Variants in PDE1C observed in about 807,000 individuals in gnomAD.
PDE1C encodes the protein phosphodiesterase 1C, also known as dual specificity calcium/calmodulin-dependent 3',5'-cyclic nucleotide phosphodiesterase 1C.
Under a neutral mutation model 93.1 loss-of-function variants are expected in PDE1C, and 62 were observed. The observed-to-expected ratio is 0.67, with a 90% CI of 0.54 to 0.82. The LOEUF (loss-of-function observed/expected upper bound fraction) is 0.82, where lower values mean the gene tolerates loss of function less well. Ranked by LOEUF, PDE1C falls within the 40% of genes least tolerant of loss-of-function variation. PDE1C has a pLI of 0.00. For synonymous variants in PDE1C, 325 were observed against 310.1 expected (o/e 1.05, Z -0.50); for missense variants, 742 against 884.6 (o/e 0.84, Z 2.04).
chr7:31,987,315 C>A (rs140383101), intron 2 of PDE1C, among the ~76,000 whole-genome samples: 1 of 152,226 alleles, frequency 6.6e-6, no homozygotes, highest in Non-Finnish European at 1.5e-5. Flanking sequence ...ATGTGATGTG[C>A]AATTTAAAGG....
intron 16 of PDE1C, among the ~76,000 whole-genome samples, chr7:31,803,751 T>C (rs1786405257): frequency 6.6e-6 from 1 of 152,056 alleles, no homozygotes; most frequent in Admixed American, 6.6e-5. Context: ...GGCTGCATAG[T>C]ATTCCATGGT....
At chr7:32,129,684 T>C (rs1489844859) in intron 3 of PDE1C, among the ~76,000 whole-genome samples, 1 of 152,050 alleles carries the variant, frequency 6.6e-6, no homozygotes, top group Non-Finnish European at 1.5e-5. Flanking sequence ...TTCAAAACTT[T>C]TTGCAAGTAC....
At chr7:31,825,631 G>A (rs543069155) in intron 12 of PDE1C, among the ~76,000 whole-genome samples, 6 of 152,206 alleles carry the variant, frequency 3.9e-5, no homozygotes, top group South Asian at 2.1e-4. Flanking sequence ...TAGATAAGAA[G>A]GAAGAAAGCA....
At chr7:32,336,980 T>C (rs1783638079) in intron 1 of PDE1C, among the ~76,000 whole-genome samples, 1 of 152,180 alleles carries the variant, frequency 6.6e-6, no homozygotes, top group Admixed American at 6.5e-5. Context: ...TGAGTCATCT[T>C]ACACCCCGCC....
intron 1 of PDE1C, among the ~76,000 whole-genome samples, chr7:32,243,626 A>G (rs1479589470): frequency 6.6e-6 from 1 of 152,220 alleles, no homozygotes; most frequent in Admixed American, 6.5e-5. Flanking sequence ...TGATAGTGGG[A>G]TCTGGAAGAG....
chr7:31,902,824 G>T (rs952435352), intron 2 of PDE1C, among the ~76,000 whole-genome samples: 2 of 150,766 alleles, frequency 1.3e-5, no homozygotes, highest in South Asian at 2.1e-4. Context: ...TTATAATATC[G>T]ATTAACATTA....
the PDE1C span, among the ~76,000 whole-genome samples, chr7:31,695,122 A>G: frequency 2.0e-5 from 3 of 147,018 alleles, no homozygotes; most frequent in Non-Finnish European, 3.0e-5. Flanking sequence ...AAAAGAATGG[A>G]GGCGCGTTTA....
intron 1 of PDE1C, among the ~76,000 whole-genome samples, chr7:32,270,976 GAAA>G (rs544647046): frequency 2.1e-5 from 3 of 144,608 alleles, no homozygotes; most frequent in Non-Finnish European, 4.6e-5. Context: ...ACTAAAAAAA[GAAA>G]AAAAAAAAAT....
chr7:31,859,959 C>G (rs1031642948), intron 7 of PDE1C, among the ~76,000 whole-genome samples: 1 of 152,088 alleles, frequency 6.6e-6, no homozygotes, highest in African/African-American at 2.4e-5. Flanking sequence ...AGTTCTAACT[C>G]CCTATTGATA....
the PDE1C span, among the ~76,000 whole-genome samples, chr7:31,680,421 A>T: frequency 1.3e-5 from 2 of 152,344 alleles, no homozygotes; most frequent in South Asian, 4.1e-4. Flanking sequence ...AGTGGAAGAA[A>T]GAATACTGAC....
intron 1 of PDE1C, among the ~76,000 whole-genome samples, chr7:32,320,594 G>T (rs540472654): frequency 6.6e-6 from 1 of 151,514 alleles, no homozygotes; most frequent in East Asian, 2.0e-4. Context: ...AACTGCATGT[G>T]CCCCCACCAG....
chr7:32,261,478 T>C (rs73306665), intron 1 of PDE1C, among the ~76,000 whole-genome samples: 1,853 of 152,290 alleles, frequency 0.012, 17 homozygotes, highest in African/African-American at 0.02. Context: ...TGAGTAATAA[T>C]AAAACTCCAG....
At chr7:32,340,818 G>C (rs1783733090) in intron 1 of PDE1C, among the ~76,000 whole-genome samples, 3 of 152,198 alleles carry the variant, frequency 2.0e-5, no homozygotes, top group African/African-American at 4.8e-5. Context: ...AAAAAGATGA[G>C]TGGTTAGTAA....
chr7:31,945,833 A>G (rs1435785866), intron 2 of PDE1C, among the ~76,000 whole-genome samples: 1 of 152,116 alleles, frequency 6.6e-6, no homozygotes, highest in East Asian at 1.9e-4. Flanking sequence ...ATAGTCTCAC[A>G]GTTCTAGGGT....
chr7:31,811,330 C>T (rs1024516545), intron 15 of PDE1C, among the ~76,000 whole-genome samples: 1 of 152,002 alleles, frequency 6.6e-6, no homozygotes, highest in Non-Finnish European at 1.5e-5. Context: ...TTATAAATGA[C>T]CCAGTCTTGG....
intron 1 of PDE1C, among the ~76,000 whole-genome samples, chr7:32,282,147 TA>T (rs1329635079): frequency 7.7e-6 from 1 of 129,940 alleles, no homozygotes; most frequent in Non-Finnish European, 1.6e-5. Flanking sequence ...CCCTAGAACT[TA>T]AAGTATAATA....
chr7:31,748,284 A>G (rs1200178328), downstream of PDE1C, among the ~76,000 whole-genome samples: 2 of 143,796 alleles, frequency 1.4e-5, no homozygotes, highest in African/African-American at 5.1e-5. Flanking sequence ...TGTGTCTTAC[A>G]AAAGTTTGGA....
intron 2 of PDE1C, among the ~76,000 whole-genome samples, chr7:32,038,667 C>T (rs1304245081): frequency 6.6e-6 from 1 of 152,114 alleles, no homozygotes; most frequent in Non-Finnish European, 1.5e-5. Context: ...TGCCTTTTTA[C>T]AGTCTTCTGG....
chr7:31,631,446 G>T, the PDE1C span, among the ~76,000 whole-genome samples: 2 of 152,150 alleles, frequency 1.3e-5, no homozygotes, highest in Non-Finnish European at 2.9e-5. Flanking sequence ...AAAGATTTTA[G>T]TCATTTTCTT....
Sources: allele counts gnomAD v4.1 joint callset (sites outside exome capture counted in the v4.1 genomes callset), GRCh38; gene constraint gnomAD v4.1.1; transcripts MANE v1.5; gene names NCBI Gene and HGNC (gene_info 2026-07-23, HGNC 2026-07-21).